Variants in MMRN2 observed in about 807,000 individuals in gnomAD.
MMRN2 encodes multimerin-2.
A neutral mutation model predicts 68.8 loss-of-function variants in MMRN2; 53 were observed. The observed-to-expected ratio is 0.77, with a 90% confidence interval of 0.62 to 0.97. The LOEUF is 0.97. MMRN2 is among the 50% of genes least tolerant of loss of function. The pLI, the probability that MMRN2 is intolerant of heterozygous loss-of-function variation, is 0.00. For synonymous variants in MMRN2, 564 were observed against 551.6 expected (o/e 1.02, Z -0.32); for missense variants, 1,266 against 1,259.5 (o/e 1.01, Z -0.08).
At chr10:86,953,888 A>C (rs1844178566) in intron 1 of MMRN2, 3 of 152,112 alleles carry the variant, frequency 2.0e-5, no homozygotes, top group Admixed American at 6.5e-5. Context: ...TATGCCGCCC[A>C]CCCTTCCTGC....
In MMRN2 at chr10:86,936,164, C is replaced by CT. The variant is rs1843875121; in HGVS notation, c.*578dup. 2 of 358,842 alleles carry CT rather than the reference C, an allele frequency of 5.6e-6. No individual in the cohort carries two copies. The highest frequency in any genetic ancestry group is 3.0e-4 in the South Asian group (2 of 6,732). The allele number at this position is 358,842 out of a possible 1,614,324, so 22.2% of individuals were successfully genotyped here. On this transcript the variant is annotated 3_prime_UTR_variant, in exon 7 of 7. Coordinates refer to ENST00000372027, the MANE Select transcript of MMRN2 (RefSeq NM_024756.3). The stretch of plus-strand genomic sequence containing the variant: ...CTAAACCATATCCTACAAGGAATGA[C>CT]TGAAACTAAAGATACTAATTTCCTT...
In MMRN2 at chr10:86,945,611, C is replaced by A. The variant is rs370897288; in HGVS notation, c.243G>T (p.Ser81=). 1 of 1,612,774 alleles carries A rather than the reference C, an allele frequency of 6.2e-7. No individual in the cohort carries two copies. Among genetic ancestry groups the A allele is most frequent in the Admixed American group, 1.7e-5 (1 of 59,848 alleles). Residue 81 remains serine (S), a synonymous_variant, in exon 2 of 7, where the codon TCG becomes TCT. Coordinates refer to ENST00000372027, the MANE Select transcript of MMRN2 (RefSeq NM_024756.3). ...GAGCTCCCTGCGGACACGGCTGCTG[C>A]GAGTGGATGAGGAATTTCTCTGTTT... ...LCKTEKFLIH[S]QQPCPQGAPD...
In MMRN2 at chr10:86,936,763, A is replaced by G; in HGVS notation, c.2830T>C (p.Phe944Leu). 1.2e-6 allele frequency: 2 copies of G among 1,614,156 alleles called. No homozygotes were observed. The highest frequency in any genetic ancestry group is 8.5e-7 in the Non-Finnish European group (1 of 1,180,004). Residue 944 changes from phenylalanine to leucine, a missense_variant, in exon 7 of 7, where the codon TTC becomes CTC. Coordinates refer to ENST00000372027, the MANE Select transcript of MMRN2 (RefSeq NM_024756.3). Reference protein sequence around the residue: ...RSLSGTAFGGFLMFKT With the variant: ...RSLSGTAFGGLLMFKT ...GGGGTTCAGGTCTTAAACATCAGGA[A>G]GCCCCCAAATGCAGTGCCCGACAGG...
rs1024460041 is a variant in MMRN2, at chr10:86,949,928, G to A, written c.165-4239C>T. 5 of 150,900 alleles carry A rather than the reference G, an allele frequency of 3.3e-5. No individual in the cohort carries two copies. In the East Asian group the frequency reaches 9.8e-4, roughly 30 times the overall value. The allele number at this position is 150,900 out of a possible 1,614,324, so 9.3% of individuals were successfully genotyped here. A position where few individuals can be genotyped will look rare whatever the true frequency, so the allele number is the denominator to read the frequency against. On this transcript the variant is annotated intron_variant, in intron 1 of 6. Transcript: ENST00000372027. ...AATAATAATAATAGTCTTGGGCCAG[G>A]TGCAGTGGCTCATGACGATCATCCC...
In MMRN2 at chr10:86,957,483, GCCC is replaced by G. The variant is rs1343543760; in HGVS notation, c.56_58del (p.Gly19del). 6.2e-7 allele frequency: 1 copy of G among 1,613,032 alleles called. No individual in the cohort carries two copies. The highest frequency in any genetic ancestry group is 1.7e-5 in the Admixed American group (1 of 60,018). On this transcript the variant is annotated inframe_deletion, in exon 1 of 7. Coordinates refer to ENST00000372027, the MANE Select transcript of MMRN2 (RefSeq NM_024756.3). ...GCTAGTACTGGAAGCCTGGGCCCAT[GCCC>G]CCAGCAGCCCCCAGCCCAGGGGGCC...
intron 1 of MMRN2, among the ~76,000 whole-genome samples, chr10:86,953,008 C>T (rs1275418209): frequency 1.3e-5 from 2 of 152,178 alleles, no homozygotes; most frequent in South Asian, 2.1e-4. Context: ...ATCTCTCCTA[C>T]TTGCATATCC....
At chr10:86,939,106 G>C (rs1030982055) in intron 6 of MMRN2, among the ~76,000 whole-genome samples, 1 of 145,774 alleles carries the variant, frequency 6.9e-6, no homozygotes, top group African/African-American at 2.6e-5. Context: ...AGGTTGCCGT[G>C]AGCCGAGATC....
At chr10:86,949,547 C>A (rs1196714464) in intron 1 of MMRN2, 2 of 151,244 alleles carry the variant, frequency 1.3e-5, no homozygotes, top group Non-Finnish European at 1.5e-5. Flanking sequence ...AAAAAAGACA[C>A]CCAAAAACAA....
intron 1 of MMRN2, among the ~76,000 whole-genome samples, chr10:86,947,651 G>A (rs1281027993): frequency 6.6e-6 from 1 of 152,048 alleles, no homozygotes; most frequent in African/African-American, 2.4e-5. Flanking sequence ...GATTACAGGC[G>A]TGAGCCACTG....
chr10:86,945,085 A>G, intron 4 of MMRN2, 103 bp downstream of exon 4: 1 of 1,013,724 alleles, frequency 9.9e-7, no homozygotes, highest in Non-Finnish European at 1.5e-6. Context: ...TTCTGGAGGC[A>G]AGGTTTCCCT....
chr10:86,957,371 C>T lies in MMRN2; in HGVS notation c.164+7G>A. ...CATGACCTCTGCCAAGGTCCAGGCC[C>T]TCTTACCGTCCTACGGGGTCCTTGC... On this transcript the variant is annotated splice_region_variant and intron_variant, in intron 1 of 6. Coordinates refer to ENST00000372027, the MANE Select transcript of MMRN2 (RefSeq NM_024756.3). The T allele has an allele frequency of 6.2e-7, 1 of 1,612,778 alleles. No individual in the cohort carries two copies. Among genetic ancestry groups the T allele is most frequent in the Middle Eastern group, 1.9e-4 (1 of 5,278 alleles).
rs1843867415 is a variant in MMRN2, at chr10:86,935,742, A to G, written c.*1001T>C. On this transcript the variant is annotated 3_prime_UTR_variant, in exon 7 of 7. Coordinates refer to ENST00000372027, the MANE Select transcript of MMRN2 (RefSeq NM_024756.3). ...GCATTTCTTGGTCTTTACCCTATGT[A>G]AGGCAAGGAGAAAAAGACATGAAAT... 1 of 152,276 alleles carries G rather than the reference A, an allele frequency of 6.6e-6. No individual in the cohort carries two copies. Among genetic ancestry groups the G allele is most frequent in the African/African-American group, 2.4e-5 (1 of 41,456 alleles). The allele number at this position is 152,276 out of a possible 1,614,324, so 9.4% of individuals were successfully genotyped here.
chr10:86,950,380 C>T (rs555021925), intron 1 of MMRN2, among the ~76,000 whole-genome samples: 1 of 152,144 alleles, frequency 6.6e-6, no homozygotes, highest in South Asian at 2.1e-4. Flanking sequence ...AAATAATAGT[C>T]TCCTAGATCC....
chr10:86,955,428 G>A (rs559191375), intron 1 of MMRN2, among the ~76,000 whole-genome samples: 12 of 152,342 alleles, frequency 7.9e-5, no homozygotes, highest in Admixed American at 3.9e-4. Context: ...GTCTGAGGAC[G>A]TAGTGGTTCT....
In MMRN2 at chr10:86,943,133, T is replaced by C. The variant is rs761418106; in HGVS notation, c.1651A>G (p.Lys551Glu). The part of the protein sequence containing the change: ...DAVSLAVDAH[K>E]AEGERARAAT... ...GCCCGCGCCCGCTCGCCCTCCGCTT[T>C]GTGCGCGTCCACGGCCAGCGACACG... Residue 551 changes from lysine to glutamate, a missense_variant, in exon 6 of 7, where the codon AAA becomes GAA. Physicochemically the swap from Lys to Glu is moderately conservative, Grantham distance 56. Transcript: ENST00000372027. This position sits in a 1 kb window ranked among gnomAD's most constrained non-coding sequence, Gnocchi z 4.2. 1.9e-6 allele frequency: 3 copies of C among 1,577,988 alleles called. No homozygotes were observed. The South Asian group carries it at 3.4e-5, about 18-fold the overall frequency.
intron 1 of MMRN2, among the ~76,000 whole-genome samples, chr10:86,947,800 C>T (rs1001004701): frequency 6.6e-6 from 1 of 152,140 alleles, no homozygotes; most frequent in African/African-American, 2.4e-5. Context: ...CAGGGGTTCT[C>T]CCATAAAAAT....
chr10:86,936,995 C>T lies in MMRN2; in HGVS notation c.2598G>A (p.Glu866=). The change falls in exon 7 of 7, where the codon GAG becomes GAA. Residue 866 remains glutamate, a synonymous_variant. Transcript: ENST00000372027. The stretch of plus-strand genomic sequence containing the variant: ...TCACTGCAAACAGGTAGACACCACG[C>T]TCAGGGGCTCGGAAGTAGCCATGTT... The part of the protein sequence containing the change: ...FPEHGYFRAP[E]RGVYLFAVSV... 6.2e-7 allele frequency: 1 copy of T among 1,614,246 alleles called. No individual in the cohort carries two copies. Among genetic ancestry groups the T allele is most frequent in the Non-Finnish European group, 8.5e-7 (1 of 1,180,044 alleles).
Position 86,943,018 on chromosome 10 carries a change from A to T in MMRN2, c.1766T>A (p.Val589Glu). ...KAAAAEARHE[V>E]RQLHSAFAAL... ...GGCGAAGGCGCTGTGCAGCTGGCGC[A>T]CCTCGTGGCGGGCCTCGGCCGCGGC... is the stretch of plus-strand genomic sequence containing the variant. The change falls in exon 6 of 7, where the codon GTG becomes GAG. Residue 589 changes from valine (V) to glutamate (E), a missense_variant. Transcript: ENST00000372027. The surrounding 1 kb of genome is among the most constrained non-coding windows in gnomAD (Gnocchi z 4.2). The T allele has an allele frequency of 7.3e-7, 1 of 1,375,830 alleles. No individual in the cohort carries two copies. The highest frequency in any genetic ancestry group is 3.3e-5 in the East Asian group (1 of 30,182). The allele number at this position is 1,375,830 out of a possible 1,614,324, so 85.2% of individuals were successfully genotyped here. A position where few individuals can be genotyped will look rare whatever the true frequency, so the allele number is the denominator to read the frequency against.
At chr10:86,947,660 T>C (rs182741987) in intron 1 of MMRN2, among the ~76,000 whole-genome samples, 35 of 152,142 alleles carry the variant, frequency 2.3e-4, no homozygotes, top group Middle Eastern at 3.4e-3. Flanking sequence ...CGTGAGCCAC[T>C]GTACCCAGCC....
Sources: allele counts gnomAD v4.1 joint callset (sites outside exome capture counted in the v4.1 genomes callset), GRCh38; gene constraint gnomAD v4.1.1; non-coding constraint Gnocchi (gnomAD v3.1); transcripts MANE v1.5; gene names NCBI Gene and HGNC (gene_info 2026-07-23, HGNC 2026-07-21).